The following TSPAN5 variants were observed in gnomAD, a reference collection of about 807,000 sequenced individuals.
The protein encoded by TSPAN5 is tetraspanin 5, also known as tetraspanin-5.
TSPAN5 carries 10 observed loss-of-function variants against 37.1 expected under a neutral mutation model. The ratio of observed to expected loss-of-function variants is 0.27; its 90% confidence interval spans 0.17 to 0.46. The LOEUF (loss-of-function observed/expected upper bound fraction) is 0.46. Ranked by LOEUF, TSPAN5 falls within the 20% of genes least tolerant of loss-of-function variation. The pLI is 1.00. For missense variants in TSPAN5, 195 were observed against 326.6 expected (o/e 0.60, Z 3.11); for synonymous variants, 110 against 118.9 (o/e 0.93, Z 0.48).
intron 1 of TSPAN5, among the ~76,000 whole-genome samples, chr4:98,592,223 C>A (rs1755652456): frequency 6.7e-6 from 1 of 149,184 alleles, no homozygotes. Flanking sequence ...AACTGTTAAA[C>A]AAAGTGGAAG....
In TSPAN5 at chr4:98,606,426, AC is replaced by A. The variant is rs1756040484; in HGVS notation, c.81+51719del. Among the ~76,000 whole-genome samples the A allele has an allele frequency of 2.0e-5, 3 of 152,360 alleles. No individual in the cohort carries two copies. The South Asian group carries it at 6.2e-4, about 32-fold the overall frequency. On this transcript the variant is annotated intron_variant, in intron 1 of 7. Coordinates refer to ENST00000305798, the MANE Select transcript of TSPAN5 (RefSeq NM_005723.4). Reference sequence around the variant, plus strand: ...GAGCTACTCCAGGAAGGTTACGGAAACATCTTTCCACACTACATGCTATTTC... The same window carrying A: ...GAGCTACTCCAGGAAGGTTACGGAAAATCTTTCCACACTACATGCTATTTC...
intron 2 of TSPAN5, among the ~76,000 whole-genome samples, chr4:98,492,473 T>C (rs1753105063): frequency 6.6e-6 from 1 of 152,162 alleles, no homozygotes; most frequent in Non-Finnish European, 1.5e-5. Context: ...CTGGTTCTCT[T>C]TGGGTCTTCA....
intron 1 of TSPAN5, among the ~76,000 whole-genome samples, chr4:98,600,267 C>T (rs745690067): frequency 8.6e-5 from 13 of 152,036 alleles, no homozygotes; most frequent in Non-Finnish European, 1.3e-4. Flanking sequence ...ACGGTGGTGG[C>T]GCTGAAGGTT....
At chr4:98,507,800 AT>A in intron 1 of TSPAN5, 72 bp from the exon 2 acceptor site, 5 of 1,126,242 alleles carry the variant, frequency 4.4e-6, no homozygotes, top group Non-Finnish European at 6.4e-6. Flanking sequence ...TTTTCAATCA[AT>A]TCTTTTGTCA....
intron 1 of TSPAN5, among the ~76,000 whole-genome samples, chr4:98,605,003 C>T (rs531215781): frequency 2.6e-5 from 4 of 152,102 alleles, no homozygotes; most frequent in South Asian, 4.2e-4. Context: ...TGAATTCACT[C>T]GCTCTACATT....
chr4:98,551,751 C>T (rs571619570), intron 1 of TSPAN5, among the ~76,000 whole-genome samples: 7 of 151,916 alleles, frequency 4.6e-5, no homozygotes, highest in South Asian at 4.2e-4. Context: ...CCACACACCA[C>T]GGCCTCCCAA....
chr4:98,615,072 C>T (rs1560560502), intron 1 of TSPAN5, among the ~76,000 whole-genome samples: 2 of 152,178 alleles, frequency 1.3e-5, no homozygotes, highest in African/African-American at 4.8e-5. Flanking sequence ...AGTCACCAAC[C>T]CCCCAGTGCT....
At chr4:98,606,937 G>A (rs17027853) in intron 1 of TSPAN5, among the ~76,000 whole-genome samples, 3,626 of 152,222 alleles carry the variant, frequency 0.024, 58 homozygotes, top group East Asian at 0.054. Flanking sequence ...CTAAAGAGGC[G>A]AGGTGCAGAC....
At chr4:98,575,630 A>G (rs1755216086) in intron 1 of TSPAN5, among the ~76,000 whole-genome samples, 1 of 152,142 alleles carries the variant, frequency 6.6e-6, no homozygotes, top group South Asian at 2.1e-4. Flanking sequence ...CAAAAACAAC[A>G]GCAGCAAAAT....
chr4:98,522,828 G>T (rs944814469), intron 1 of TSPAN5, among the ~76,000 whole-genome samples: 17 of 152,160 alleles, frequency 1.1e-4, no homozygotes, highest in Admixed American at 2.6e-4. Flanking sequence ...ACACCATTTA[G>T]TTATTTATTC....
chr4:98,508,704 T>C lies in TSPAN5; in HGVS notation c.82-976A>G, dbSNP rs183352941. ...CATGCCTGGCTAATTTTTCAATTAT[T>C]TGTAGAGACAAGGCCTCACTATATT... On this transcript the variant is annotated intron_variant, in intron 1 of 7. Transcript: ENST00000305798. 2.1e-3 allele frequency among the ~76,000 whole-genome samples: 321 copies of C among 152,042 alleles called. 1 individual carries two copies. The highest frequency in any genetic ancestry group is 3.9e-3 in the Non-Finnish European group (266 of 67,964).
chr4:98,621,496 T>A (rs1175704289), intron 1 of TSPAN5, among the ~76,000 whole-genome samples: 1 of 151,064 alleles, frequency 6.6e-6, no homozygotes, highest in Non-Finnish European at 1.5e-5. Context: ...GCCTCCCGAG[T>A]AGCTGGGACT....
intron 1 of TSPAN5, among the ~76,000 whole-genome samples, chr4:98,566,489 G>A (rs886417975): frequency 6.6e-6 from 1 of 152,160 alleles, no homozygotes; most frequent in African/African-American, 2.4e-5. Context: ...AATACCAAAG[G>A]CTAGAGCCAA....
At chr4:98,549,590 C>T (rs1578985080) in intron 1 of TSPAN5, among the ~76,000 whole-genome samples, 1 of 152,216 alleles carries the variant, frequency 6.6e-6, no homozygotes, top group South Asian at 2.1e-4. Context: ...TGAGCCACTG[C>T]ACCTGGCCTC....
At chr4:98,600,501 C>T (rs1003145150) in intron 1 of TSPAN5, among the ~76,000 whole-genome samples, 1 of 152,182 alleles carries the variant, frequency 6.6e-6, no homozygotes, top group Admixed American at 6.5e-5. Flanking sequence ...CAACAATGTT[C>T]ACAGCATCTT....
At chr4:98,631,307 G>C (rs550749241) in intron 1 of TSPAN5, among the ~76,000 whole-genome samples, 1 of 152,258 alleles carries the variant, frequency 6.6e-6, no homozygotes, top group East Asian at 1.9e-4. Flanking sequence ...AAGAAAGTGA[G>C]GAAGACAATT....
At chr4:98,566,278 G>T (rs1284870272) in intron 1 of TSPAN5, among the ~76,000 whole-genome samples, 1 of 151,438 alleles carries the variant, frequency 6.6e-6, no homozygotes, top group Admixed American at 6.6e-5. Flanking sequence ...AACACAAAGT[G>T]GAGCCCCAGC....
At chr4:98,510,589 G>A (rs1406321024) in intron 1 of TSPAN5, among the ~76,000 whole-genome samples, 2 of 152,056 alleles carry the variant, frequency 1.3e-5, no homozygotes, top group East Asian at 3.9e-4. Context: ...TTTCATTCAC[G>A]AGCCATATAA....
At chr4:98,529,820 C>T (rs17192060) in intron 1 of TSPAN5, among the ~76,000 whole-genome samples, 59,096 of 152,098 alleles carry the variant, frequency 0.39, 12,042 homozygotes, top group South Asian at 0.54. Flanking sequence ...AGATGTTATA[C>T]AGCCACAAAA....
Sources: allele counts gnomAD v4.1 joint callset (sites outside exome capture counted in the v4.1 genomes callset), GRCh38; gene constraint gnomAD v4.1.1; transcripts MANE v1.5; gene names NCBI Gene and HGNC (gene_info 2026-07-23, HGNC 2026-07-21).